The following XPO4 variants were observed in gnomAD, a reference collection of about 807,000 sequenced individuals.
The protein encoded by XPO4 is exportin-4.
Under a neutral mutation model 143.0 loss-of-function variants are expected in XPO4, and 39 were observed. The observed-to-expected ratio is 0.27, with a 90% CI of 0.21 to 0.36. The LOEUF (loss-of-function observed/expected upper bound fraction) is 0.36, where lower values mean the gene tolerates loss of function less well. XPO4 is among the 10% of genes least tolerant of loss of function. The pLI is 1.00. For synonymous variants in XPO4, 439 were observed against 474.0 expected, an observed-to-expected ratio of 0.93 and a Z score of 0.96; for missense variants, 907 against 1,348.0, an observed-to-expected ratio of 0.67 and a Z score of 5.12.
rs780552696 is a variant in XPO4 at position 20,800,337 on chromosome 13, A to C, written c.1978-12T>G. The C allele has an allele frequency of 1.9e-6, 3 of 1,594,590 alleles. No individual in the cohort carries two copies. The highest frequency in any genetic ancestry group is 1.7e-6 in the Non-Finnish European group (2 of 1,171,392). ...AATGGCAGACTTATCTTAAGAGAGG[A>C]AACAAATTTTTTAAGGTAAGCAAGA... On this transcript the variant is annotated splice_polypyrimidine_tract_variant and intron_variant, in intron 14 of 22. Coordinates refer to ENST00000255305, the MANE Select transcript of XPO4 (RefSeq NM_022459.5).
At chr13:20,840,625 T>C (rs558719321) in intron 6 of XPO4, among the ~76,000 whole-genome samples, 1 of 152,320 alleles carries the variant, frequency 6.6e-6, no homozygotes, top group South Asian at 2.1e-4. Flanking sequence ...TCCTTACTGA[T>C]TGAATGGTAG....
chr13:20,826,358 A>C (rs2059785791), intron 7 of XPO4, among the ~76,000 whole-genome samples: 1 of 152,238 alleles, frequency 6.6e-6, no homozygotes, highest in Admixed American at 6.5e-5. Context: ...TACACTCTAG[A>C]ATAGCAGTTC....
chr13:20,822,018 A>C, intron 8 of XPO4, 114 bp downstream of exon 8: 1 of 1,398,850 alleles, frequency 7.1e-7, no homozygotes, highest in Non-Finnish European at 9.6e-7. Flanking sequence ...AATTACCCAT[A>C]TGACTTTACT....
chr13:20,843,159 A>T, intron 5 of XPO4, 111 bp from the exon 6 acceptor site: 1 of 1,090,402 alleles, frequency 9.2e-7, no homozygotes, highest in Non-Finnish European at 1.3e-6. Context: ...GGAAAACACC[A>T]TTTCCTTAAG....
chr13:20,807,553 G>T lies in XPO4; in HGVS notation c.1721C>A (p.Ser574Tyr). The change falls in exon 13 of 23, where the codon TCT becomes TAT. Residue 574 changes from serine to tyrosine, a missense_variant. Physicochemically the swap from Ser to Tyr is moderately radical, Grantham distance 144. Coordinates refer to ENST00000255305, the MANE Select transcript of XPO4 (RefSeq NM_022459.5). ...EIMEYSIKHS[S>Y]EVDINTTLQI... ...AAGTGTTGTATTAATGTCAACTTCA[G>T]ATGAATGCTTAATGGAATATTCCAT... 6.2e-7 allele frequency: 1 copy of T among 1,613,420 alleles called. No homozygotes were observed. Among genetic ancestry groups the T allele is most frequent in the Non-Finnish European group, 8.5e-7 (1 of 1,179,726 alleles).
chr13:20,822,344 C>T (rs1566585169), intron 7 of XPO4, 55 bp from the exon 8 acceptor site: 33 of 1,494,792 alleles, frequency 2.2e-5, no homozygotes, highest in East Asian at 4.6e-5. Flanking sequence ...GTAAGGGTCA[C>T]GTGTCTACCA....
At chr13:20,875,233 T>C (rs755572499) in intron 1 of XPO4, among the ~76,000 whole-genome samples, 1 of 152,200 alleles carries the variant, frequency 6.6e-6, no homozygotes, top group Non-Finnish European at 1.5e-5. Flanking sequence ...AGGTTACCAG[T>C]GATCCTATCT....
intron 6 of XPO4, among the ~76,000 whole-genome samples, chr13:20,827,701 TCC>T (rs1287622400): frequency 6.6e-6 from 1 of 151,912 alleles, no homozygotes; most frequent in African/African-American, 2.4e-5. Context: ...GAAAAAAAAC[TCC>T]CACAGGTCAC....
chr13:20,795,171 C>T (rs765277826), intron 18 of XPO4, among the ~76,000 whole-genome samples: 7 of 152,152 alleles, frequency 4.6e-5, no homozygotes, highest in Non-Finnish European at 2.9e-5. Flanking sequence ...CACTACCACA[C>T]GTGTCTGCAC....
At chr13:20,887,290 G>A (rs185868220) in intron 1 of XPO4, among the ~76,000 whole-genome samples, 1 of 152,066 alleles carries the variant, frequency 6.6e-6, no homozygotes, top group East Asian at 1.9e-4. Flanking sequence ...CATGAACACA[G>A]AAGAAGAAAT....
At chr13:20,863,668 T>G (rs755653065) in intron 2 of XPO4, among the ~76,000 whole-genome samples, 5 of 152,152 alleles carry the variant, frequency 3.3e-5, no homozygotes, top group Admixed American at 3.3e-4. Context: ...GGAGAAACAG[T>G]TGAAATGAAG....
At chr13:20,825,156 G>GA (rs1555336004) in intron 7 of XPO4, among the ~76,000 whole-genome samples, 1 of 151,844 alleles carries the variant, frequency 6.6e-6, no homozygotes, top group Non-Finnish European at 1.5e-5. Flanking sequence ...ATGAAAGTGG[G>GA]TTTTTTTTCC....
In XPO4 at chr13:20,800,171, A is replaced by G; in HGVS notation, c.2132T>C (p.Val711Ala). 3.1e-6 allele frequency: 5 copies of G among 1,614,076 alleles called. No individual in the cohort carries two copies. Residue 711 changes from valine to alanine, a missense_variant, in exon 15 of 23, where the codon GTG becomes GCG. By Grantham distance (64) the Val-to-Ala change is moderately conservative. Coordinates refer to ENST00000255305, the MANE Select transcript of XPO4 (RefSeq NM_022459.5). ...ATGGGCTAACCTTTCTCTTCTTTCC[A>G]CCAAAGTGACAAGGAGCTGCACAGT... ...NDTVQLLVTL[V>A]ERRERANLVI...
intron 1 of XPO4, among the ~76,000 whole-genome samples, chr13:20,875,405 A>G (rs1203291440): frequency 1.3e-5 from 2 of 152,206 alleles, no homozygotes; most frequent in Admixed American, 6.5e-5. Flanking sequence ...CTCCCTAGCA[A>G]AGCTACCCTT....
At position 20,894,843 on chromosome 13, in the gene XPO4, T is replaced by C. The variant is rs567991196; in HGVS notation, c.69+7827A>G. Among the ~76,000 whole-genome samples, 495 of 110,146 alleles carry C rather than the reference T, an allele frequency of 4.5e-3. 4 individuals are homozygous for C. Among genetic ancestry groups the C allele is most frequent in the African/African-American group, 0.015 (476 of 32,126 alleles). 72.3% of individuals were successfully genotyped at this position (110,146 alleles called of 152,430 possible). ...TGGGCAACAAGAGTGAAACTTCATC[T>C]CAAAGAAAAAAAAAAAAAAAGGTAG... On this transcript the variant is annotated intron_variant, in intron 1 of 22. Coordinates refer to ENST00000255305, the MANE Select transcript of XPO4 (RefSeq NM_022459.5).
intron 8 of XPO4, 55 bp from the exon 9 acceptor site, chr13:20,821,933 TAATAA>T: frequency 2.0e-6 from 3 of 1,496,954 alleles, no homozygotes; most frequent in Middle Eastern, 1.9e-4. Flanking sequence ...ATTATTAATA[TAATAA>T]CTCATTTCCA....
intron 15 of XPO4, 63 bp downstream of exon 15, chr13:20,800,093 A>G: frequency 6.4e-7 from 1 of 1,572,304 alleles, no homozygotes; most frequent in East Asian, 2.3e-5. Context: ...TACACTAAGA[A>G]GTGAAAAAGA....
chr13:20,828,638 T>C (rs1028073513), intron 6 of XPO4, among the ~76,000 whole-genome samples: 3 of 152,186 alleles, frequency 2.0e-5, no homozygotes, highest in African/African-American at 7.2e-5. Context: ...CTTCTGCAAC[T>C]CTATTCGACT....
chr13:20,827,264 A>G (rs2059796753), intron 6 of XPO4, 85 bp from the exon 7 acceptor site: 1 of 941,478 alleles, frequency 1.1e-6, no homozygotes, highest in African/African-American at 1.6e-5. Flanking sequence ...GGAGCCATCT[A>G]GAAAGAATTT....
Sources: gnomAD v4.1 joint callset for allele counts (sites outside exome capture counted in the v4.1 genomes callset) on GRCh38, gnomAD v4.1.1 for gene constraint, MANE v1.5 for transcripts, NCBI Gene and HGNC (gene_info 2026-07-23, HGNC 2026-07-21) for gene names.